The following PTPRD variants were observed in gnomAD, a reference collection of about 807,000 sequenced individuals.
PTPRD encodes the protein protein tyrosine phosphatase receptor type D.
In PTPRD, 34 loss-of-function variants were observed where a neutral mutation model predicts 214.5. The observed-to-expected ratio is 0.16, with a 90% CI of 0.12 to 0.21. The LOEUF (loss-of-function observed/expected upper bound fraction) is 0.21, where lower values mean the gene tolerates loss of function less well. Ranked by LOEUF, PTPRD falls within the 10% of genes least tolerant of loss-of-function variation. PTPRD has a pLI of 1.00. For synonymous variants in PTPRD, 1,128 were observed against 845.7 expected (o/e 1.33, Z -5.79); for missense variants, 2,545 against 2,398.7 (o/e 1.06, Z -1.27).
At chr9:8,813,009 A>G (rs2096843406) in intron 11 of PTPRD, among the ~76,000 whole-genome samples, 1 of 149,766 alleles carries the variant, frequency 6.7e-6, no homozygotes, top group East Asian at 2.0e-4. Flanking sequence ...TCCTCATGAT[A>G]TAATCATCAA....
chr9:9,731,338 G>C (rs1476306238), intron 7 of PTPRD, among the ~76,000 whole-genome samples: 1 of 152,002 alleles, frequency 6.6e-6, no homozygotes, highest in Non-Finnish European at 1.5e-5. Context: ...ACTCAGTTTT[G>C]TAGAGTGTAT....
At chr9:8,517,703 A>T in intron 21 of PTPRD, 145 bp downstream of exon 21, 1 of 676,168 alleles carries the variant, frequency 1.5e-6, no homozygotes. Flanking sequence ...GTTCCTTTTC[A>T]GATATCTATC....
chr9:9,061,838 G>T (rs1018995519), intron 10 of PTPRD, among the ~76,000 whole-genome samples: 1 of 151,992 alleles, frequency 6.6e-6, no homozygotes, highest in Admixed American at 6.6e-5. Context: ...TCCTCCTGTA[G>T]AGAGGCAGGG....
chr9:8,554,824 C>T (rs1386715381), intron 14 of PTPRD, among the ~76,000 whole-genome samples: 1 of 152,156 alleles, frequency 6.6e-6, no homozygotes, highest in African/African-American at 2.4e-5. Context: ...CCACAAAACA[C>T]TAACATATTT....
chr9:8,973,857 T>C (rs1567334706), intron 11 of PTPRD, among the ~76,000 whole-genome samples: 1 of 152,178 alleles, frequency 6.6e-6, no homozygotes. Flanking sequence ...GCTGCTTGTA[T>C]GTCTTCTTTT....
At chr9:10,605,629 G>T (rs561254203) in intron 2 of PTPRD, among the ~76,000 whole-genome samples, 1 of 151,696 alleles carries the variant, frequency 6.6e-6, no homozygotes, top group Non-Finnish European at 1.5e-5. Context: ...CAAAGGAGAA[G>T]GACAATAAGG....
chr9:9,055,723 A>C (rs2099694986), intron 10 of PTPRD, among the ~76,000 whole-genome samples: 1 of 151,160 alleles, frequency 6.6e-6, no homozygotes, highest in Non-Finnish European at 1.5e-5. Context: ...TATTTTATAT[A>C]TATTTTATGT....
intron 43 of PTPRD, among the ~76,000 whole-genome samples, 199 bp from the exon 44 acceptor site, chr9:8,331,935 A>C (rs1287956315): frequency 1.6e-4 from 6 of 37,154 alleles, no homozygotes; most frequent in Middle Eastern, 0.037. Context: ...TTAAATCCTA[A>C]ATTTATTTAC....
intron 4 of PTPRD, among the ~76,000 whole-genome samples, chr9:10,011,165 G>C (rs2096591593): frequency 6.6e-6 from 1 of 151,888 alleles, no homozygotes; most frequent in Non-Finnish European, 1.5e-5. Flanking sequence ...ACACAGATTA[G>C]ACTATTTTTC....
At chr9:9,825,784 T>C (rs553228406) in intron 5 of PTPRD, among the ~76,000 whole-genome samples, 38 of 152,010 alleles carry the variant, frequency 2.5e-4, no homozygotes, top group Non-Finnish European at 4.6e-4. Flanking sequence ...ATCTCCATTA[T>C]GTTACCACAT....
intron 2 of PTPRD, among the ~76,000 whole-genome samples, chr9:10,578,279 G>T (rs547358783): frequency 6.6e-6 from 1 of 152,168 alleles, no homozygotes; most frequent in South Asian, 2.1e-4. Context: ...TAGATGCACA[G>T]ATTATAATGA....
chr9:9,364,651 C>A (rs962475689), intron 9 of PTPRD, among the ~76,000 whole-genome samples: 5 of 150,952 alleles, frequency 3.3e-5, no homozygotes, highest in African/African-American at 1.2e-4. Context: ...GTTATGGAGG[C>A]AATGGAGGGA....
chr9:9,378,708 C>T (rs1240686861), intron 9 of PTPRD, among the ~76,000 whole-genome samples: 1 of 148,758 alleles, frequency 6.7e-6, no homozygotes, highest in Admixed American at 6.8e-5. Context: ...TTTTTACATT[C>T]TAATAGGTGT....
intron 10 of PTPRD, among the ~76,000 whole-genome samples, chr9:9,178,770 G>GT (rs35629042): frequency 6.6e-6 from 1 of 151,964 alleles, no homozygotes; most frequent in African/African-American, 2.4e-5. Context: ...TAGTATAAAG[G>GT]TTTTTTACTA....
intron 11 of PTPRD, among the ~76,000 whole-genome samples, chr9:8,862,934 G>C (rs111526392): frequency 2.0e-5 from 3 of 151,346 alleles, no homozygotes; most frequent in Non-Finnish European, 3.0e-5. Context: ...TGGTGGGGGG[G>C]AGGGAGAGCA....
intron 3 of PTPRD, among the ~76,000 whole-genome samples, chr9:10,311,000 G>A (rs605318): frequency 0.31 from 46,358 of 151,844 alleles, 8,358 homozygotes; most frequent in African/African-American, 0.5. Flanking sequence ...CAATTTGATT[G>A]CAAACTTCAT....
chr9:10,110,596 G>C (rs1050844901), intron 3 of PTPRD, among the ~76,000 whole-genome samples: 1 of 150,236 alleles, frequency 6.7e-6, no homozygotes, highest in African/African-American at 2.5e-5. Context: ...GTTTCAAAAT[G>C]GAGGAAAAGA....
intron 11 of PTPRD, among the ~76,000 whole-genome samples, chr9:8,993,876 C>G (rs986626140): frequency 2.3e-4 from 35 of 152,140 alleles, no homozygotes; most frequent in African/African-American, 8.2e-4. Context: ...GCAGGAGGGA[C>G]ACAATGTAAA....
At chr9:9,796,066 T>A (rs1049011576) in intron 5 of PTPRD, among the ~76,000 whole-genome samples, 10 of 152,258 alleles carry the variant, frequency 6.6e-5, no homozygotes, top group South Asian at 2.1e-4. Flanking sequence ...TCAGTTTTTT[T>A]AATATGCAAT....
Sources: allele counts gnomAD v4.1 joint callset (sites outside exome capture counted in the v4.1 genomes callset), GRCh38; gene constraint gnomAD v4.1.1; transcripts MANE v1.5; gene names NCBI Gene and HGNC (gene_info 2026-07-23, HGNC 2026-07-21).